Variants in MAP3K6 observed in about 807,000 individuals in gnomAD.
MAP3K6 encodes the protein apoptosis signal-regulating kinase 2.
MAP3K6 carries 105 observed loss-of-function variants against 147.1 expected under a neutral mutation model. The ratio of observed to expected loss-of-function variants is 0.71; its 90% CI spans 0.61 to 0.84. The LOEUF (loss-of-function observed/expected upper bound fraction) is 0.84. MAP3K6 is among the 40% of genes least tolerant of loss of function. MAP3K6 has a pLI of 0.00. For missense variants in MAP3K6, 1,569 were observed against 1,715.0 expected, an observed-to-expected ratio of 0.91 and a Z score of 1.50; for synonymous variants, 695 against 732.4, an observed-to-expected ratio of 0.95 and a Z score of 0.82.
chr1:27,365,643 C>T (rs955648524), intron 1 of MAP3K6, among the ~76,000 whole-genome samples: 1 of 147,036 alleles, frequency 6.8e-6, no homozygotes, highest in Non-Finnish European at 1.5e-5. Flanking sequence ...CCGCCCACTT[C>T]CCCGCCCCTT....
At position 27,362,706 on chromosome 1, in the gene MAP3K6, T is replaced by C. The variant is rs974052669; in HGVS notation, c.1190A>G (p.Asn397Ser). The C allele has an allele frequency of 1.9e-6, 3 of 1,610,724 alleles. No individual in the cohort carries two copies. The highest frequency in any genetic ancestry group is 2.7e-5 in the African/African-American group (2 of 74,892). ...GGCAGCAATGAGGAGCACAGCTGCA[T>C]TGATGCCTGAGTGAAGGCTGGGCTC... ...DVEPSLHSGI[N>S]AAVLLIAAGQ... Residue 397 changes from asparagine to serine, a missense_variant, in exon 8 of 29, where the codon AAT (asparagine) becomes AGT (serine). Transcript: ENST00000357582.
rs549008181 is a variant in MAP3K6 at position 27,360,963 on chromosome 1, C to A, written c.1878G>T (p.Thr626=). 1 of 1,607,624 alleles carries A rather than the reference C, an allele frequency of 6.2e-7. No homozygotes were observed. ...CGCCCTCCGCCTCCTCCGCGGGCGC[C>A]GTGGAATCCGGGTTCGTCACCCAGG... The part of the protein sequence containing the change: ...IQAWVTNPDS[T]APAEEAEGAG... Residue 626 remains threonine (T), a synonymous_variant, in exon 14 of 29, where the codon ACG becomes ACT. Coordinates refer to ENST00000357582, the MANE Select transcript of MAP3K6 (RefSeq NM_004672.5). This position sits in a 1 kb window ranked among gnomAD's most constrained non-coding sequence, Gnocchi z 4.5.
Position 27,366,493 on chromosome 1 carries a change from C to G in MAP3K6, c.105G>C (p.Pro35=). The G allele has an allele frequency of 8.9e-7, 1 of 1,129,618 alleles. No homozygotes were observed. Among genetic ancestry groups the G allele is most frequent in the Non-Finnish European group, 1.1e-6 (1 of 923,414 alleles). The allele number at this position is 1,129,618 out of a possible 1,614,324, so 70.0% of individuals were successfully genotyped here. Residue 35 remains proline, a synonymous_variant, in exon 1 of 29, where the codon CCG becomes CCC. Coordinates refer to ENST00000357582, the MANE Select transcript of MAP3K6 (RefSeq NM_004672.5). The surrounding 1 kb of genome is among the most constrained non-coding windows in gnomAD (Gnocchi z 5.5). ...LSRGRQLAAP[P]GRGCARSRPL... The stretch of plus-strand genomic sequence containing the variant: ...GCCGGCTCCGCGCGCAGCCCCGGCC[C>G]GGGGGCGCCGCGAGCTGCCGGCCCC...
At chr1:27,356,774 G>C in intron 24 of MAP3K6, 25 bp from the exon 25 acceptor site, 1 of 1,533,550 alleles carries the variant, frequency 6.5e-7, no homozygotes, top group South Asian at 1.3e-5. Context: ...GGTGAACTCA[G>C]GCAAGGCTAC....
In MAP3K6 at chr1:27,366,513, G is replaced by T. The variant is rs1358852248; in HGVS notation, c.85C>A (p.Arg29=). 3 of 1,108,750 alleles carry T rather than the reference G, an allele frequency of 2.7e-6. No homozygotes were observed. Among genetic ancestry groups the T allele is most frequent in the Non-Finnish European group, 3.3e-6 (3 of 910,640 alleles). 68.7% of individuals were successfully genotyped at this position (1,108,750 alleles called of 1,614,324 possible). Residue 29 remains arginine (R), a synonymous_variant, in exon 1 of 29, where the codon CGG becomes AGG. Coordinates refer to ENST00000357582, the MANE Select transcript of MAP3K6 (RefSeq NM_004672.5). This position sits in a 1 kb window ranked among gnomAD's most constrained non-coding sequence, Gnocchi z 5.5. Reference sequence around the variant, plus strand: ...CGGCCCGGGGGCGCCGCGAGCTGCCGGCCCCGGCTCAGCGCCACGGCCAGC... The same window carrying T: ...CGGCCCGGGGGCGCCGCGAGCTGCCTGCCCCGGCTCAGCGCCACGGCCAGC... ...DPLAVALSRG[R]QLAAPPGRGC... is the part of the protein sequence containing the mutation.
intron 9 of MAP3K6, 45 bp downstream of exon 9, chr1:27,362,046 G>A: frequency 1.3e-6 from 2 of 1,574,428 alleles, no homozygotes; most frequent in Middle Eastern, 1.7e-4. Context: ...AGGTGCAGGA[G>A]CTGACAGCCC....
In MAP3K6 at chr1:27,366,283, C is replaced by G; in HGVS notation, c.315G>C (p.Ala105=). Residue 105 remains alanine, a synonymous_variant, in exon 1 of 29, where the codon GCG becomes GCC. Coordinates refer to ENST00000357582, the MANE Select transcript of MAP3K6 (RefSeq NM_004672.5). The surrounding 1 kb of genome is among the most constrained non-coding windows in gnomAD (Gnocchi z 5.5). ...PFGTLELGDT[A]ALDAFYNADV... ...CCGCGTTGTAGAAGGCATCCAGAGC[C>G]GCGGTGTCGCCTAGCTCCAGCGTCC... The G allele has an allele frequency of 7.5e-7, 1 of 1,338,544 alleles. No individual in the cohort carries two copies. The highest frequency in any genetic ancestry group is 9.6e-7 in the Non-Finnish European group (1 of 1,045,830). The allele number at this position is 1,338,544 out of a possible 1,614,324, so 82.9% of individuals were successfully genotyped here.
chr1:27,360,560 C>A lies in MAP3K6; in HGVS notation c.2054+145G>T. ...GCCCGCACGGTCCTGGCTGTTCCGC[C>A]CACGGGCCCAGTCCACAGGGCTCGA... On this transcript the variant is annotated intron_variant, in intron 15 of 28. Coordinates refer to ENST00000357582, the MANE Select transcript of MAP3K6 (RefSeq NM_004672.5). The surrounding 1 kb of genome is among the most constrained non-coding windows in gnomAD (Gnocchi z 4.5). The A allele has an allele frequency of 7.1e-7, 1 of 1,399,802 alleles. No homozygotes were observed. The highest frequency in any genetic ancestry group is 9.5e-7 in the Non-Finnish European group (1 of 1,055,556). 86.7% of individuals were successfully genotyped at this position (1,399,802 alleles called of 1,614,324 possible). A position where few individuals can be genotyped will look rare whatever the true frequency, so the allele number is the denominator to read the frequency against.
rs749369617 is a variant in MAP3K6, at chr1:27,362,210, C to T, written c.1296G>A (p.Val432=). The change falls in exon 9 of 29, where the codon GTG becomes GTA. Residue 432 remains valine, a synonymous_variant. Coordinates refer to ENST00000357582, the MANE Select transcript of MAP3K6 (RefSeq NM_004672.5). ...LGCLLARKGC[V]EKMQYYWDVG... ...CATCCCAGTAATACTGCATCTTCTC[C>T]ACGCAGCCTTTGCGGGCCAGCAGGC... 3.7e-6 allele frequency: 6 copies of T among 1,613,338 alleles called. No homozygotes were observed. The highest frequency in any genetic ancestry group is 5.1e-6 in the Non-Finnish European group (6 of 1,179,864).
Position 27,360,164 on chromosome 1 carries a change from A to G in MAP3K6, c.2182+77T>C. On this transcript the variant is annotated intron_variant, in intron 16 of 28. Coordinates refer to ENST00000357582, the MANE Select transcript of MAP3K6 (RefSeq NM_004672.5). This position sits in a 1 kb window ranked among gnomAD's most constrained non-coding sequence, Gnocchi z 4.5. The stretch of plus-strand genomic sequence containing the variant: ...CACGCACTAGGGTGCATTTCCCCCT[A>G]GGGCTCTCTACCCCTGCCTGCCTCG... 2 of 1,594,124 alleles carry G rather than the reference A, an allele frequency of 1.3e-6. No individual in the cohort carries two copies. The highest frequency in any genetic ancestry group is 2.3e-5 in the South Asian group (2 of 88,304).
chr1:27,362,749 G>C lies in MAP3K6; in HGVS notation c.1147C>G (p.Arg383Gly), dbSNP rs572742636. The stretch of plus-strand genomic sequence containing the variant: ...CTGGGCTCTACGTCAAAAGCCTTGC[G>C]ATACCTGGGGTGGGGGTAGGGGGCA... The part of the protein sequence containing the change: ...GHREQAYHWY[R>G]KAFDVEPSLH... Residue 383 changes from arginine (R) to glycine (G), a missense_variant, in exon 8 of 29, where the codon CGC becomes GGC. Physicochemically the swap from Arg to Gly is moderately radical, Grantham distance 125 (BLOSUM62 -2). Coordinates refer to ENST00000357582, the MANE Select transcript of MAP3K6 (RefSeq NM_004672.5). 6.2e-6 allele frequency: 10 copies of C among 1,612,742 alleles called. No individual in the cohort carries two copies. The highest frequency in any genetic ancestry group is 6.8e-6 in the Non-Finnish European group (8 of 1,179,294).
chr1:27,363,267 C>G (rs998827518), intron 6 of MAP3K6, among the ~76,000 whole-genome samples, 175 bp downstream of exon 6: 9 of 152,110 alleles, frequency 5.9e-5, no homozygotes, highest in Non-Finnish European at 1.3e-4. Flanking sequence ...CCACCTCCCC[C>G]ACCCCGACCC....
Position 27,361,593 on chromosome 1 carries a change from G to A in MAP3K6, c.1613C>T (p.Pro538Leu). The change falls in exon 11 of 29, where the codon CCT becomes CTT. Residue 538 changes from proline (P) to leucine (L), a missense_variant. Pro to Leu is a moderately conservative substitution (Grantham distance 98). Coordinates refer to ENST00000357582, the MANE Select transcript of MAP3K6 (RefSeq NM_004672.5). ...AGTACCCCGAACCTCGAGCTTTGCAGGCAGCAGCACCTTGTTCATCTCCAG... is the reference window on the plus strand; with the variant it reads ...AGTACCCCGAACCTCGAGCTTTGCAAGCAGCAGCACCTTGTTCATCTCCAG... ...LVLEMNKVLL[P>L]AKLEVRGTDP... is the part of the protein sequence containing the mutation. The A allele has an allele frequency of 6.2e-7, 1 of 1,614,174 alleles. No individual in the cohort carries two copies. The highest frequency in any genetic ancestry group is 1.6e-4 in the Middle Eastern group (1 of 6,062).
chr1:27,357,403 A>G lies in MAP3K6; in HGVS notation c.3255T>C (p.Asp1085=), dbSNP rs2015567493. 5.7e-6 allele frequency: 9 copies of G among 1,589,900 alleles called. No individual in the cohort carries two copies. Among genetic ancestry groups the G allele is most frequent in the Non-Finnish European group, 7.7e-6 (9 of 1,163,946 alleles). ...AACTACCAGAAGGCGCCCTCACCGC[A>G]TCCGGGAAGGCAAACAGCGGTCTGT... ...LLHRPLFAFP[D]AVKQILRKRQ... The change falls in exon 23 of 29, where the codon GAT becomes GAC. Residue 1085 remains aspartate (D), a synonymous_variant. Coordinates refer to ENST00000357582, the MANE Select transcript of MAP3K6 (RefSeq NM_004672.5).
At chr1:27,355,990 G>A (rs12569127) in intron 27 of MAP3K6, 36 bp downstream of exon 27, 469,948 of 1,595,150 alleles carry the variant, frequency 0.29, 72,090 homozygotes, top group Middle Eastern at 0.32. Flanking sequence ...GCTTTGGCTG[G>A]TGAGGTCAGG....
intron 24 of MAP3K6, 118 bp from the exon 25 acceptor site, chr1:27,356,867 G>C: frequency 7.0e-7 from 1 of 1,435,552 alleles, no homozygotes; most frequent in Non-Finnish European, 9.4e-7. Flanking sequence ...TGCCGGTATG[G>C]GAGATGTCCA....
Position 27,364,387 on chromosome 1 carries a change from A to T in MAP3K6, c.512T>A (p.Val171Asp), listed in dbSNP as rs1429588118. 1 of 1,613,996 alleles carries T rather than the reference A, an allele frequency of 6.2e-7. No individual in the cohort carries two copies. The highest frequency in any genetic ancestry group is 8.5e-7 in the Non-Finnish European group (1 of 1,179,950). The change falls in exon 4 of 29, where the codon GTT (valine) becomes GAT (aspartate). Residue 171 changes from valine to aspartate, a missense_variant. By Grantham distance (152) the Val-to-Asp change is radical (BLOSUM62 -3). Transcript: ENST00000357582. The surrounding 1 kb of genome is among the most constrained non-coding windows in gnomAD (Gnocchi z 4.4). ...EDVFQKNSDC[V>D]GSYTLIPYVV... ...ATAGGGGATCAGTGTGTAGCTGCCA[A>T]CGCAATCCTGGTGGGAGGGAGGCAG... is the stretch of plus-strand genomic sequence containing the variant.
Position 27,359,837 on chromosome 1 carries a change from C to T in MAP3K6, c.2319+21G>A, listed in dbSNP as rs764967014. The T allele has an allele frequency of 3.7e-6, 6 of 1,613,758 alleles. No homozygotes were observed. Among genetic ancestry groups the T allele is most frequent in the East Asian group, 2.2e-5 (1 of 44,870 alleles). On this transcript the variant is annotated intron_variant, in intron 17 of 28. Coordinates refer to ENST00000357582, the MANE Select transcript of MAP3K6 (RefSeq NM_004672.5). This position sits in a 1 kb window ranked among gnomAD's most constrained non-coding sequence, Gnocchi z 4.4. ...CCCCGCCACCCTCAGCAGATGAGGG[C>T]GGGCCAGCCCCAGGGCTTACTTTTA...
chr1:27,360,014 G>GTTCATTCTT lies in MAP3K6; in HGVS notation c.2183-29_2183-21dup, dbSNP rs1437919907. 6.2e-7 allele frequency: 1 copy of GTTCATTCTT among 1,613,262 alleles called. No homozygotes were observed. Among genetic ancestry groups the GTTCATTCTT allele is most frequent in the Non-Finnish European group, 8.5e-7 (1 of 1,179,670 alleles). On this transcript the variant is annotated intron_variant, in intron 16 of 28. Coordinates refer to ENST00000357582, the MANE Select transcript of MAP3K6 (RefSeq NM_004672.5). The surrounding 1 kb of genome is among the most constrained non-coding windows in gnomAD (Gnocchi z 4.5). ...GGCTGCCTGGGTGGGGACAGTCCAA[G>GTTCATTCTT]TTCATTCTTCCCACCCACTGGCTCC...
Sources: allele counts gnomAD v4.1 joint callset (sites outside exome capture counted in the v4.1 genomes callset), GRCh38; gene constraint gnomAD v4.1.1; non-coding constraint Gnocchi (gnomAD v3.1); transcripts MANE v1.5; gene names NCBI Gene and HGNC (gene_info 2026-07-23, HGNC 2026-07-21).